NLGN1: variants seen among roughly 807,000 people sequenced by gnomAD.
The protein encoded by NLGN1 is neuroligin-1.
A neutral mutation model predicts 65.5 loss-of-function variants in NLGN1; 12 were observed. The observed-to-expected ratio is 0.18, with a 90% CI of 0.12 to 0.30. NLGN1 has a LOEUF of 0.30. Among genes scored for constraint, NLGN1 ranks in the 10% least tolerant of loss-of-function variants. NLGN1 has a pLI of 1.00. For synonymous variants in NLGN1, 350 were observed against 359.5 expected (o/e 0.97, Z 0.30); for missense variants, 750 against 1,007.1 (o/e 0.74, Z 3.46).
At chr3:174,075,104 T>G (rs1262871720) in intron 4 of NLGN1, among the ~76,000 whole-genome samples, 1 of 152,190 alleles carries the variant, frequency 6.6e-6, no homozygotes, top group African/African-American at 2.4e-5. Context: ...AGATGTTATT[T>G]GGCAGGAGAT....
At chr3:174,091,417 A>C (rs1744496356) in intron 4 of NLGN1, among the ~76,000 whole-genome samples, 1 of 152,244 alleles carries the variant, frequency 6.6e-6, no homozygotes, top group Non-Finnish European at 1.5e-5. Flanking sequence ...AACTCAAATT[A>C]ATAATAGGCT....
intron 4 of NLGN1, among the ~76,000 whole-genome samples, chr3:173,899,210 A>G (rs1014327189): frequency 2.6e-5 from 4 of 152,120 alleles, no homozygotes; most frequent in Non-Finnish European, 5.9e-5. Flanking sequence ...GTTTTGGGGT[A>G]AATACATTTT....
chr3:173,550,281 T>C (rs778661771), intron 2 of NLGN1, among the ~76,000 whole-genome samples: 2 of 151,982 alleles, frequency 1.3e-5, no homozygotes, highest in Non-Finnish European at 2.9e-5. Flanking sequence ...TCAGCTATAA[T>C]ATTATCCTCT....
At chr3:174,000,326 T>C (rs1326641743) in intron 4 of NLGN1, among the ~76,000 whole-genome samples, 5 of 152,208 alleles carry the variant, frequency 3.3e-5, no homozygotes, top group African/African-American at 4.8e-5. Context: ...TTAGTTTTCA[T>C]AGCAAATGCT....
intron 2 of NLGN1, among the ~76,000 whole-genome samples, chr3:173,591,384 G>A (rs1748455655): frequency 6.6e-6 from 1 of 152,110 alleles, no homozygotes; most frequent in Non-Finnish European, 1.5e-5. Context: ...TTGGATCACT[G>A]GTTGAGCTCT....
At chr3:173,803,501 C>T (rs1036182837) in intron 3 of NLGN1, among the ~76,000 whole-genome samples, 26 of 151,750 alleles carry the variant, frequency 1.7e-4, no homozygotes, top group African/African-American at 4.6e-4. Context: ...TCAGGTACTC[C>T]GGAGGCTGAG....
At chr3:174,195,625 G>A (rs1195153119) in intron 4 of NLGN1, among the ~76,000 whole-genome samples, 1 of 152,174 alleles carries the variant, frequency 6.6e-6, no homozygotes, top group Non-Finnish European at 1.5e-5. Flanking sequence ...GGCAGCCAAT[G>A]CAGCCGAAGT....
intron 4 of NLGN1, among the ~76,000 whole-genome samples, chr3:174,084,372 A>T (rs1742854720): frequency 6.6e-6 from 1 of 152,314 alleles, no homozygotes; most frequent in South Asian, 2.1e-4. Flanking sequence ...AGGTTGCAGC[A>T]AAAATTAACG....
chr3:174,189,329 A>G (rs1459183010), intron 4 of NLGN1, among the ~76,000 whole-genome samples: 1 of 152,016 alleles, frequency 6.6e-6, no homozygotes, highest in Non-Finnish European at 1.5e-5. Context: ...GAATTATGGA[A>G]GAAGGTGAGC....
At chr3:173,768,655 A>C (rs1345373015) in intron 3 of NLGN1, among the ~76,000 whole-genome samples, 1 of 152,148 alleles carries the variant, frequency 6.6e-6, no homozygotes, top group Non-Finnish European at 1.5e-5. Context: ...TTTATGTTTT[A>C]ATTAATTTTC....
At chr3:174,019,924 A>G (rs758645832) in intron 4 of NLGN1, among the ~76,000 whole-genome samples, 20 of 152,142 alleles carry the variant, frequency 1.3e-4, no homozygotes, top group Non-Finnish European at 2.6e-4. Context: ...TCTATGTCAC[A>G]AGATTGTATG....
intron 4 of NLGN1, among the ~76,000 whole-genome samples, chr3:174,024,681 A>C (rs913924648): frequency 6.6e-6 from 1 of 152,332 alleles, no homozygotes; most frequent in Non-Finnish European, 1.5e-5. Flanking sequence ...TATCCAAAGC[A>C]TTGAATATTC....
chr3:173,670,389 A>G (rs1762294407), intron 3 of NLGN1, among the ~76,000 whole-genome samples: 1 of 152,192 alleles, frequency 6.6e-6, no homozygotes, highest in African/African-American at 2.4e-5. Context: ...TCATTTGTTT[A>G]CAGGAGGATT....
chr3:174,055,655 C>T (rs1314306391), intron 4 of NLGN1, among the ~76,000 whole-genome samples: 1 of 152,008 alleles, frequency 6.6e-6, no homozygotes, highest in Non-Finnish European at 1.5e-5. Context: ...CCATGTTTGG[C>T]CCTGCTACTG....
intron 4 of NLGN1, among the ~76,000 whole-genome samples, chr3:174,080,556 A>G (rs1741946676): frequency 2.6e-5 from 4 of 152,240 alleles, no homozygotes; most frequent in South Asian, 2.1e-4. Flanking sequence ...GCACATGTGC[A>G]GTGGGCTGTC....
At chr3:173,858,599 C>T (rs1180489229) in intron 4 of NLGN1, among the ~76,000 whole-genome samples, 1 of 152,022 alleles carries the variant, frequency 6.6e-6, no homozygotes, top group East Asian at 1.9e-4. Flanking sequence ...CCTTGCTTAT[C>T]CCATTGTAAA....
intron 4 of NLGN1, among the ~76,000 whole-genome samples, chr3:174,200,004 T>C (rs1734145717): frequency 6.6e-6 from 1 of 152,172 alleles, no homozygotes; most frequent in Non-Finnish European, 1.5e-5. Flanking sequence ...CCTGGAGAGC[T>C]CTCTCTGGAG....
At chr3:173,824,539 T>C (rs1720939030) in intron 4 of NLGN1, among the ~76,000 whole-genome samples, 1 of 152,128 alleles carries the variant, frequency 6.6e-6, no homozygotes, top group African/African-American at 2.4e-5. Context: ...GACATCTCCC[T>C]GCCCTCAGGG....
intron 3 of NLGN1, among the ~76,000 whole-genome samples, chr3:173,690,141 T>G (rs116429482): frequency 0.011 from 1,613 of 152,278 alleles, 36 homozygotes; most frequent in African/African-American, 0.036. Context: ...TGAGCCCATT[T>G]TATAGGCGAC....
Sources: allele counts gnomAD v4.1 joint callset (sites outside exome capture counted in the v4.1 genomes callset), GRCh38; gene constraint gnomAD v4.1.1; transcripts MANE v1.5; gene names NCBI Gene and HGNC (gene_info 2026-07-23, HGNC 2026-07-21).